RARRES1: variants seen among roughly 807,000 people sequenced by gnomAD.
RARRES1 encodes retinoic acid receptor responder protein 1.
In RARRES1, 34 loss-of-function variants were observed where a neutral mutation model predicts 30.6. That is an observed-to-expected ratio of 1.11 (90% CI 0.84 to 1.48). RARRES1 has a LOEUF of 1.48. Ranked by LOEUF, RARRES1 falls within the 40% of genes most tolerant of loss-of-function variation. The pLI, the probability that RARRES1 is intolerant of heterozygous loss-of-function variation, is 0.00. For missense variants in RARRES1, 373 were observed against 386.5 expected (o/e 0.97, Z 0.29); for synonymous variants, 153 against 155.5 (o/e 0.98, Z 0.12).
chr3:158,720,203 TAAGAAAAGG>T (rs1727460535), intron 1 of RARRES1, among the ~76,000 whole-genome samples: 1 of 149,820 alleles, frequency 6.7e-6, no homozygotes, highest in Non-Finnish European at 1.5e-5. Context: ...GCAACCTCTC[TAAGAAAAGG>T]AAGAATAAAA....
At position 158,732,242 on chromosome 3, in the gene RARRES1, G is replaced by A; in HGVS notation, c.174C>T (p.Leu58=). The A allele has an allele frequency of 7.2e-7, 1 of 1,386,626 alleles. No individual in the cohort carries two copies. The highest frequency in any genetic ancestry group is 9.3e-7 in the Non-Finnish European group (1 of 1,079,360). The allele number at this position is 1,386,626 out of a possible 1,614,324, so 85.9% of individuals were successfully genotyped here. ...GCGCCGCGCGCGCCGCCTGCTGCAG[G>A]AGCCTGCGCGGGACCCCAGCATCCT... is the stretch of plus-strand genomic sequence containing the variant. The part of the protein sequence containing the change: ...QPQDAGVPRR[L]LQQAARAALH... The change falls in exon 1 of 6, where the codon CTC becomes CTT. Residue 58 remains leucine, a synonymous_variant. Coordinates refer to ENST00000237696, the MANE Select transcript of RARRES1 (RefSeq NM_206963.2).
chr3:158,710,659 A>T, intron 3 of RARRES1, 79 bp downstream of exon 3: 2 of 1,375,682 alleles, frequency 1.5e-6, no homozygotes, highest in South Asian at 2.8e-5. Flanking sequence ...TAGGGATAAA[A>T]ACTTAAATGA....
At chr3:158,704,628 C>A in intron 4 of RARRES1, 163 bp downstream of exon 4, 3 of 1,132,622 alleles carry the variant, frequency 2.6e-6, no homozygotes, top group Non-Finnish European at 3.6e-6. Context: ...GTATCCCCAG[C>A]CCCTGAAACA....
chr3:158,732,171 A>C lies in RARRES1; in HGVS notation c.245T>G (p.Val82Gly), dbSNP rs1024581644. The C allele has an allele frequency of 3.1e-5, 44 of 1,413,352 alleles. No homozygotes were observed. The highest frequency in any genetic ancestry group is 3.9e-5 in the Non-Finnish European group (43 of 1,090,538). The allele number at this position is 1,413,352 out of a possible 1,614,324, so 87.6% of individuals were successfully genotyped here. A position where few individuals can be genotyped will look rare whatever the true frequency, so the allele number is the denominator to read the frequency against. ...GCGGCCCTCCTGCACCTCGGCCAGC[A>C]CTCGTAGCGCGCTGGGCGAGCCGGA... Reference protein sequence around the residue: ...FRSGSPSALRVLAEVQEGRAW... With the variant: ...FRSGSPSALRGLAEVQEGRAW... The change falls in exon 1 of 6, where the codon GTG becomes GGG. Residue 82 changes from valine (V) to glycine (G), a missense_variant. By Grantham distance (109) the Val-to-Gly change is moderately radical. Transcript: ENST00000237696.
chr3:158,731,603 T>C (rs958271031), intron 1 of RARRES1, among the ~76,000 whole-genome samples: 6 of 152,226 alleles, frequency 3.9e-5, no homozygotes, highest in South Asian at 2.1e-4. Context: ...GGCCTACGTG[T>C]AAATTCCAAC....
chr3:158,710,629 G>T, intron 3 of RARRES1, 109 bp downstream of exon 3: 1 of 1,040,616 alleles, frequency 9.6e-7, no homozygotes, highest in Non-Finnish European at 1.4e-6. Flanking sequence ...ACAATATTTA[G>T]TTGAATGAAA....
chr3:158,699,441 C>CA (rs377479542), intron 4 of RARRES1, among the ~76,000 whole-genome samples: 1 of 150,848 alleles, frequency 6.6e-6, no homozygotes, highest in East Asian at 1.9e-4. Flanking sequence ...GCAACCCCCC[C>CA]CCCACCAAAA....
chr3:158,699,442 C>A (rs369613039), intron 4 of RARRES1, among the ~76,000 whole-genome samples: 2 of 150,830 alleles, frequency 1.3e-5, no homozygotes, highest in East Asian at 2.0e-4. Flanking sequence ...CAACCCCCCC[C>A]CCACCAAAAA....
intron 1 of RARRES1, among the ~76,000 whole-genome samples, chr3:158,727,306 G>A (rs547156070): frequency 6.6e-6 from 1 of 152,294 alleles, no homozygotes; most frequent in East Asian, 1.9e-4. Context: ...TAAGATATGG[G>A]CATAGCTCCC....
intron 4 of RARRES1, among the ~76,000 whole-genome samples, chr3:158,700,455 G>A (rs956340406): frequency 2.6e-5 from 4 of 152,058 alleles, no homozygotes; most frequent in Admixed American, 6.5e-5. Flanking sequence ...AATGTGAGTC[G>A]TGATAATGCT....
chr3:158,732,071 C>G (rs1165357623), intron 1 of RARRES1, 69 bp downstream of exon 1: 2 of 1,256,420 alleles, frequency 1.6e-6, no homozygotes, highest in African/African-American at 3.1e-5. Flanking sequence ...CGCGCGTACC[C>G]AGGTGTCACC....
At position 158,708,142 on chromosome 3, in the gene RARRES1, T is replaced by C. The variant is rs1034319383; in HGVS notation, c.535+2596A>G. ...GAACCATAAGAACTTCAGAACATTA[T>C]GTAATACAAGACTCTGAATTCAATA... On this transcript the variant is annotated intron_variant, in intron 3 of 5. Coordinates refer to ENST00000237696, the MANE Select transcript of RARRES1 (RefSeq NM_206963.2). Among the ~76,000 whole-genome samples, 15 of 152,346 alleles carry C rather than the reference T, an allele frequency of 9.8e-5. No individual in the cohort carries two copies. The East Asian group carries it at 2.9e-3, about 29-fold the overall frequency.
intron 4 of RARRES1, among the ~76,000 whole-genome samples, chr3:158,698,677 C>CTTT (rs11448918): frequency 0.039 from 5,733 of 147,488 alleles, 150 homozygotes; most frequent in Non-Finnish European, 0.056. Flanking sequence ...CTGACATTTC[C>CTTT]TTTTTTTTTT....
intron 1 of RARRES1, among the ~76,000 whole-genome samples, chr3:158,714,936 C>G (rs1194060711): frequency 2.0e-5 from 3 of 152,120 alleles, no homozygotes; most frequent in African/African-American, 7.2e-5. Flanking sequence ...ATTATAGATT[C>G]TTAAAAAATG....
intron 1 of RARRES1, among the ~76,000 whole-genome samples, chr3:158,718,270 G>C (rs1727389719): frequency 1.3e-5 from 2 of 152,120 alleles, no homozygotes; most frequent in African/African-American, 4.8e-5. Context: ...GAGCCACTGT[G>C]CCTGGCCTTA....
At position 158,697,740 on chromosome 3, in the gene RARRES1, C is replaced by A. The variant is rs1726592268; in HGVS notation, c.823G>T (p.Glu275Ter). ...KYHCQELQTPEEASGTEEGSA... is the reference protein window; with the variant it reads ...KYHCQELQTP ...CCTTCTTCAGTTCCGGAGGCTTCTT[C>A]TGGTGTCTGTAGCTCTTGACAGTGG... The change falls in exon 6 of 6, where the codon GAA becomes TAA. Residue 275 changes from glutamate (E) to a stop codon, truncating the protein, a stop_gained. Coordinates refer to ENST00000237696, the MANE Select transcript of RARRES1 (RefSeq NM_206963.2). LOFTEE classifies it high-confidence loss of function. 1.2e-6 allele frequency: 2 copies of A among 1,612,824 alleles called. No individual in the cohort carries two copies. The highest frequency in any genetic ancestry group is 1.7e-5 in the Admixed American group (1 of 59,982).
chr3:158,716,586 CTT>C (rs55963290), intron 1 of RARRES1, among the ~76,000 whole-genome samples: 172 of 143,166 alleles, frequency 1.2e-3, no homozygotes, highest in Non-Finnish European at 1.3e-3. Flanking sequence ...AGGAAGCACT[CTT>C]TTTTTTTTTT....
In RARRES1 at chr3:158,704,902, A is replaced by T; in HGVS notation, c.561T>A (p.Ser187=). 1 of 1,613,434 alleles carries T rather than the reference A, an allele frequency of 6.2e-7. No individual in the cohort carries two copies. Among genetic ancestry groups the T allele is most frequent in the Non-Finnish European group, 8.5e-7 (1 of 1,179,784 alleles). The part of the protein sequence containing the change: ...IPDNHGHIDP[S]LRLIWDLAFL... ...AAGCCAAATCCCAGATGAGTCTCAGAGAGGGATCAATATGTCCATGATTAT... is the reference window on the plus strand; with the variant it reads ...AAGCCAAATCCCAGATGAGTCTCAGTGAGGGATCAATATGTCCATGATTAT... The change falls in exon 4 of 6, where the codon TCT becomes TCA. Residue 187 remains serine, a synonymous_variant. Transcript: ENST00000237696.
chr3:158,701,780 C>G (rs933936701), intron 4 of RARRES1, among the ~76,000 whole-genome samples: 13 of 152,164 alleles, frequency 8.5e-5, no homozygotes, highest in African/African-American at 2.4e-4. Context: ...TTTAAAAGAA[C>G]TCTAAGCTGA....
Sources: gnomAD v4.1 joint callset for allele counts (sites outside exome capture counted in the v4.1 genomes callset) on GRCh38, gnomAD v4.1.1 for gene constraint, MANE v1.5 for transcripts, NCBI Gene and HGNC (gene_info 2026-07-23, HGNC 2026-07-21) for gene names.